The following GRXCR1 variants were observed in gnomAD, a reference collection of about 807,000 sequenced individuals.
The protein encoded by GRXCR1 is glutaredoxin and cysteine rich domain containing 1.
GRXCR1 carries 27 observed loss-of-function variants against 27.3 expected under a neutral mutation model. That is an observed-to-expected ratio of 0.99 (90% CI 0.73 to 1.37). The LOEUF is 1.37. Among genes scored for constraint, GRXCR1 ranks in the 40% most tolerant of loss-of-function variants. GRXCR1 has a pLI of 0.00. For missense variants in GRXCR1, 379 were observed against 354.4 expected (o/e 1.07, Z -0.56); for synonymous variants, 122 against 131.1 (o/e 0.93, Z 0.47).
intron 1 of GRXCR1, among the ~76,000 whole-genome samples, chr4:42,908,342 G>C (rs577970231): frequency 1.3e-5 from 2 of 152,274 alleles, no homozygotes; most frequent in South Asian, 4.1e-4. Context: ...CCAGGGCCGA[G>C]GTCATGCCAG....
chr4:42,937,358 A>C (rs1478661408), intron 1 of GRXCR1, among the ~76,000 whole-genome samples: 3 of 151,384 alleles, frequency 2.0e-5, no homozygotes, highest in Non-Finnish European at 4.4e-5. Context: ...TTTCTGCCCC[A>C]GTGCTATAAT....
At chr4:42,895,828 G>A (rs1371626476) in intron 1 of GRXCR1, among the ~76,000 whole-genome samples, 2 of 152,062 alleles carry the variant, frequency 1.3e-5, no homozygotes, top group Non-Finnish European at 2.9e-5. Flanking sequence ...GCTAGAAGCA[G>A]AAGTTATTAT....
intron 2 of GRXCR1, among the ~76,000 whole-genome samples, chr4:42,995,922 C>G (rs1021174141): frequency 1.3e-5 from 2 of 152,152 alleles, no homozygotes; most frequent in African/African-American, 4.8e-5. Context: ...TTGCTCAGGA[C>G]TGATGTCATG....
At chr4:42,959,205 A>G (rs973101740) in intron 1 of GRXCR1, among the ~76,000 whole-genome samples, 4 of 152,020 alleles carry the variant, frequency 2.6e-5, no homozygotes, top group Non-Finnish European at 5.9e-5. Context: ...TAATAAAGAA[A>G]TTGTGGTATA....
intron 2 of GRXCR1, among the ~76,000 whole-genome samples, chr4:42,985,606 C>T (rs1711688994): frequency 6.6e-6 from 1 of 151,700 alleles, no homozygotes; most frequent in Non-Finnish European, 1.5e-5. Context: ...AACCACCAGA[C>T]ACCTTTCACA....
In GRXCR1 at chr4:42,893,249, A is replaced by C. The variant is rs1746272387; in HGVS notation, c.-18A>C. 1.2e-6 allele frequency: 2 copies of C among 1,613,384 alleles called. No homozygotes were observed. The highest frequency in any genetic ancestry group is 2.2e-5 in the South Asian group (2 of 91,074). On this transcript the variant is annotated 5_prime_UTR_variant, in exon 1 of 4. Coordinates refer to ENST00000399770, the MANE Select transcript of GRXCR1 (RefSeq NM_001080476.3). ...GGGTCCAGAATGCTGTAAACTGTTCATATGGGTGGAGGTGACCATGCTTAA... is the reference window on the plus strand; with the variant it reads ...GGGTCCAGAATGCTGTAAACTGTTCCTATGGGTGGAGGTGACCATGCTTAA...
At chr4:42,902,653 TG>T (rs1746487388) in intron 1 of GRXCR1, among the ~76,000 whole-genome samples, 1 of 152,102 alleles carries the variant, frequency 6.6e-6, no homozygotes, top group African/African-American at 2.4e-5. Flanking sequence ...GAACACATTT[TG>T]GGGGAACAAC....
intron 3 of GRXCR1, among the ~76,000 whole-genome samples, chr4:43,029,828 T>C (rs1327307423): frequency 6.6e-6 from 1 of 152,186 alleles, no homozygotes; most frequent in African/African-American, 2.4e-5. Flanking sequence ...TATACAAAAA[T>C]GCATTTCAAA....
Position 42,992,038 on chromosome 4 carries a change from T to C in GRXCR1, c.628-28316T>C, listed in dbSNP as rs532715009. 3.9e-5 allele frequency among the ~76,000 whole-genome samples: 6 copies of C among 152,288 alleles called. No homozygotes were observed. The South Asian group carries it at 1.2e-3, about 32-fold the overall frequency. On this transcript the variant is annotated intron_variant, in intron 2 of 3. Coordinates refer to ENST00000399770, the MANE Select transcript of GRXCR1 (RefSeq NM_001080476.3). Reference sequence around the variant, plus strand: ...TTTCTTAAAGCATCTGACATGTGGATGGTTTTCTAGTTTTTAATCCTTTTC... The same window carrying C: ...TTTCTTAAAGCATCTGACATGTGGACGGTTTTCTAGTTTTTAATCCTTTTC...
At chr4:42,905,007 T>C (rs1196478410) in intron 1 of GRXCR1, among the ~76,000 whole-genome samples, 4 of 152,190 alleles carry the variant, frequency 2.6e-5, no homozygotes, top group Non-Finnish European at 5.9e-5. Context: ...AAAAGGCATC[T>C]TGGTACCACA....
intron 2 of GRXCR1, among the ~76,000 whole-genome samples, chr4:42,983,182 G>T (rs4403086): frequency 0.34 from 49,643 of 147,564 alleles, 7,616 homozygotes; most frequent in East Asian, 0.38. Context: ...GGTTTTTATG[G>T]TTTTAGGTCT....
intron 2 of GRXCR1, among the ~76,000 whole-genome samples, chr4:43,020,004 C>G (rs929443587): frequency 1.3e-5 from 2 of 152,048 alleles, no homozygotes; most frequent in African/African-American, 4.8e-5. Context: ...GAATTTGCTC[C>G]AAGGATTCCT....
intron 1 of GRXCR1, among the ~76,000 whole-genome samples, chr4:42,914,946 A>G (rs1015950981): frequency 6.6e-6 from 1 of 152,030 alleles, no homozygotes; most frequent in Non-Finnish European, 1.5e-5. Context: ...GTCACCCTCT[A>G]AAGAGGTGTC....
intron 2 of GRXCR1, among the ~76,000 whole-genome samples, chr4:42,993,962 G>A (rs1008221800): frequency 3.3e-5 from 5 of 152,024 alleles, no homozygotes; most frequent in Non-Finnish European, 5.9e-5. Flanking sequence ...CACTGTGATC[G>A]TAAGTCATTA....
At chr4:43,016,479 C>T (rs911920706) in intron 2 of GRXCR1, among the ~76,000 whole-genome samples, 4 of 152,196 alleles carry the variant, frequency 2.6e-5, no homozygotes, top group African/African-American at 9.6e-5. Context: ...ATTAAATTTG[C>T]CTTACTACTT....
At chr4:42,898,324 A>C (rs1746394679) in intron 1 of GRXCR1, among the ~76,000 whole-genome samples, 1 of 152,000 alleles carries the variant, frequency 6.6e-6, no homozygotes, top group Non-Finnish European at 1.5e-5. Context: ...TATTTTTAAA[A>C]GGTTTATATC....
chr4:43,030,316 T>TAACA lies in GRXCR1; in HGVS notation c.694-44_694-41dup, dbSNP rs542522865. ...GGGAGGCTGATTGAGTTGTTCATGC[T>TAACA]AACACATCCTCTGTTTTCTCTTGTT... On this transcript the variant is annotated intron_variant, in intron 3 of 3. Transcript: ENST00000399770. The TAACA allele has an allele frequency of 9.4e-5, 148 of 1,581,702 alleles. 3 individuals are homozygous for TAACA. In the South Asian group the frequency reaches 1.6e-3, roughly 17 times the overall value.
rs199749797 is a variant in GRXCR1 at position 42,963,240 on chromosome 4, GT to G, written c.627+113del. Reference sequence around the variant, plus strand: ...AGCGTAACTACTGGAACACTTGCTGGTTTTTTTGGAGCTCAAACCAAAGGGA... The same window carrying G: ...AGCGTAACTACTGGAACACTTGCTGGTTTTTTGGAGCTCAAACCAAAGGGA... On this transcript the variant is annotated intron_variant, in intron 2 of 3. Coordinates refer to ENST00000399770, the MANE Select transcript of GRXCR1 (RefSeq NM_001080476.3). The G allele has an allele frequency of 7.0e-3, 9,543 of 1,364,880 alleles. 119 individuals are homozygous for G. The highest frequency in any genetic ancestry group is 0.046 in the African/African-American group (3,164 of 69,342). 84.5% of individuals were successfully genotyped at this position (1,364,880 alleles called of 1,614,324 possible).
At chr4:42,906,877 T>G (rs926684853) in intron 1 of GRXCR1, among the ~76,000 whole-genome samples, 6 of 152,158 alleles carry the variant, frequency 3.9e-5, no homozygotes, top group Non-Finnish European at 8.8e-5. Context: ...TGAAAAAACA[T>G]TTGTCCCCGA....
Sources: allele counts gnomAD v4.1 joint callset (sites outside exome capture counted in the v4.1 genomes callset), GRCh38; gene constraint gnomAD v4.1.1; transcripts MANE v1.5; gene names NCBI Gene and HGNC (gene_info 2026-07-23, HGNC 2026-07-21).